MAP7D3: variants seen among roughly 807,000 people sequenced by gnomAD.
The protein encoded by MAP7D3 is MAP7 domain containing 3, also known as MAP7 domain-containing protein 3.
A neutral mutation model predicts 62.2 loss-of-function variants in MAP7D3; 45 were observed. The observed-to-expected ratio is 0.72, with a 90% CI of 0.57 to 0.93. The LOEUF (loss-of-function observed/expected upper bound fraction) is 0.93, where lower values mean the gene tolerates loss of function less well. Among genes scored for constraint, MAP7D3 ranks in the 40% least tolerant of loss-of-function variants. The pLI is 0.00. For synonymous variants in MAP7D3, 288 were observed against 248.8 expected (o/e 1.16, Z -1.48); for missense variants, 711 against 683.1 (o/e 1.04, Z -0.45).
downstream of MAP7D3, chrX:136,214,019 T>C (rs1025493640): frequency 7.2e-5 from 8 of 111,500 alleles, no homozygotes; most frequent in African/African-American, 2.6e-4. Flanking sequence ...GTGCCTGTAG[T>C]CCCAGCTACT....
At chrX:136,245,439 A>G (rs1478851891) in intron 3 of MAP7D3, among the ~76,000 whole-genome samples, 2 of 111,734 alleles carry the variant, frequency 1.8e-5, no homozygotes, top group African/African-American at 6.5e-5. Context: ...TTGGCAATTT[A>G]TTTTCATTTT....
intron 4 of MAP7D3, among the ~76,000 whole-genome samples, chrX:136,242,850 C>T (rs1477587049): frequency 8.9e-6 from 1 of 111,775 alleles, no homozygotes; most frequent in Non-Finnish European, 1.9e-5. Flanking sequence ...TTTCTCTGGC[C>T]TTCATCTCTT....
intron 1 of MAP7D3, among the ~76,000 whole-genome samples, chrX:136,250,865 C>T (rs780708596): frequency 2.1e-4 from 23 of 111,941 alleles, no homozygotes; most frequent in African/African-American, 7.1e-4. Flanking sequence ...CCCGCACATC[C>T]CAGGCAGCTG....
chrX:136,252,005 C>T (rs947151993), upstream of MAP7D3, among the ~76,000 whole-genome samples: 1 of 112,317 alleles, frequency 8.9e-6, no homozygotes, highest in African/African-American at 3.2e-5. Context: ...GCATCAATCT[C>T]TCCGGATTTT....
In MAP7D3 at chrX:136,227,296, T is replaced by G; in HGVS notation, c.2022A>C (p.Glu674Asp). 1 of 1,208,805 alleles carries G rather than the reference T, an allele frequency of 8.3e-7. No homozygotes were observed. The highest frequency in any genetic ancestry group is 1.1e-6 in the Non-Finnish European group (1 of 894,486). Residue 674 changes from glutamate to aspartate, a missense_variant, in exon 12 of 19, where the codon GAA becomes GAC. By Grantham distance (45) the Glu-to-Asp change is conservative. Transcript: ENST00000316077. ...KKGWLDQEDQEAPLQKGDAKI... is the reference protein window; with the variant it reads ...KKGWLDQEDQDAPLQKGDAKI... Reference sequence around the variant, plus strand: ...CAAGTCAGCAAACCTGCAGTGGTGCTTCCTGGTCTTCCTGATCCAGCCATC... The same window carrying G: ...CAAGTCAGCAAACCTGCAGTGGTGCGTCCTGGTCTTCCTGATCCAGCCATC...
At chrX:136,229,570 G>A (rs1267869631) in intron 10 of MAP7D3, among the ~76,000 whole-genome samples, 1 of 110,141 alleles carries the variant, frequency 9.1e-6, no homozygotes, top group East Asian at 2.8e-4. Flanking sequence ...CCACATTATG[G>A]CCTATATATA....
chrX:136,230,517 AAGG>A lies in MAP7D3; in HGVS notation c.1615_1617del (p.Pro539del). The A allele has an allele frequency of 8.4e-7, 1 of 1,194,986 alleles. No individual in the cohort carries two copies. The highest frequency in any genetic ancestry group is 1.1e-6 in the Non-Finnish European group (1 of 880,326). ...GTGTGTTGAATAGGCATTATTTTAT[AAGG>A]AAAAGAAGTCTGTGGTGACTGTTTT... is the stretch of plus-strand genomic sequence containing the variant. On this transcript the variant is annotated inframe_deletion, in exon 10 of 19. Coordinates refer to ENST00000316077, the MANE Select transcript of MAP7D3 (RefSeq NM_024597.4).
At chrX:136,233,153 T>C (rs1358698204) in intron 7 of MAP7D3, among the ~76,000 whole-genome samples, 1 of 111,326 alleles carries the variant, frequency 9.0e-6, no homozygotes, top group Admixed American at 9.6e-5. Flanking sequence ...GGAAAGCAGG[T>C]TATTTCATTT....
intron 14 of MAP7D3, 88 bp from the exon 15 acceptor site, chrX:136,222,574 C>G (rs946075964): frequency 1.9e-5 from 14 of 724,336 alleles, no homozygotes; most frequent in Middle Eastern, 3.9e-4. Flanking sequence ...CAAAGCTGGA[C>G]TGATGGCTAA....
At chrX:136,230,725 T>C in intron 9 of MAP7D3, 114 bp downstream of exon 9, 1 of 952,639 alleles carries the variant, frequency 1.0e-6, no homozygotes, top group Non-Finnish European at 1.5e-6. Flanking sequence ...ACAGGCTTTT[T>C]TCCCTTTACA....
intron 6 of MAP7D3, among the ~76,000 whole-genome samples, 174 bp downstream of exon 6, chrX:136,240,208 C>CAAA (rs34003803): frequency 1.5e-5 from 1 of 67,420 alleles, no homozygotes; most frequent in Admixed American, 1.8e-4. Context: ...GACTCTGTCT[C>CAAA]AAAAAAAAAA....
rs2074141026 is a variant in MAP7D3, at chrX:136,222,458, T to C, written c.2222A>G (p.Tyr741Cys). The C allele has an allele frequency of 1.7e-6, 2 of 1,207,379 alleles. No individual in the cohort carries two copies. Among genetic ancestry groups the C allele is most frequent in the African/African-American group, 1.7e-5 (1 of 57,766 alleles). Reference sequence around the variant, plus strand: ...TTCGTTGTCAGCCTCAGCCTCTTCATATATGTCATGGCTGGATGTTTCTGT... The same window carrying C: ...TTCGTTGTCAGCCTCAGCCTCTTCACATATGTCATGGCTGGATGTTTCTGT... ...KVTETSSHDIYEEAEADNEES... is the reference protein window; with the variant it reads ...KVTETSSHDICEEAEADNEES... Residue 741 changes from tyrosine (Y) to cysteine (C), a missense_variant, in exon 15 of 19, where the codon TAT becomes TGT. Physicochemically the swap from Tyr to Cys is radical, Grantham distance 194. Transcript: ENST00000316077.
chrX:136,230,838 C>G lies in MAP7D3; in HGVS notation c.1541+1G>C, dbSNP rs201173997. 104 of 1,203,908 alleles carry G rather than the reference C, an allele frequency of 8.6e-5. No individual in the cohort carries two copies. Among genetic ancestry groups the G allele is most frequent in the Non-Finnish European group, 1.1e-4 (98 of 892,914 alleles). Reference sequence around the variant, plus strand: ...GGAACAGTTGCGAATAAGCTGCTTACTTAGTGCTGATGGGAGACGGCAGAC... The same window carrying G: ...GGAACAGTTGCGAATAAGCTGCTTAGTTAGTGCTGATGGGAGACGGCAGAC... On this transcript the variant is annotated splice_donor_variant, in intron 9 of 18. Transcript: ENST00000316077. LOFTEE classifies it high-confidence loss of function.
intron 10 of MAP7D3, among the ~76,000 whole-genome samples, chrX:136,229,409 G>C (rs970494833): frequency 2.7e-5 from 3 of 111,529 alleles, no homozygotes; most frequent in African/African-American, 3.3e-5. Context: ...GATTGTTTCT[G>C]TTACAAAAAA....
chrX:136,251,942 G>A (rs1056065625), upstream of MAP7D3, among the ~76,000 whole-genome samples: 1 of 112,020 alleles, frequency 8.9e-6, no homozygotes, highest in African/African-American at 3.2e-5. Context: ...AAAGTTGGGT[G>A]AAATATCTTT....
upstream of MAP7D3, among the ~76,000 whole-genome samples, chrX:136,254,121 A>G (rs1006371052): frequency 2.8e-5 from 3 of 108,421 alleles, no homozygotes; most frequent in African/African-American, 1.0e-4. Context: ...GTCTCACTCT[A>G]TCACCCAGGC....
rs142495594 is a variant in MAP7D3, at chrX:136,227,209, A to G, written c.2034+75T>C. On this transcript the variant is annotated intron_variant, in intron 12 of 18. Transcript: ENST00000316077. ...CTCATGTCTTCTTTCTCAGAGACAGAGATTTTTGCTCTGGGTTCCATCTGA... is the reference window on the plus strand; with the variant it reads ...CTCATGTCTTCTTTCTCAGAGACAGGGATTTTTGCTCTGGGTTCCATCTGA... 1,216 of 915,435 alleles carry G rather than the reference A, an allele frequency of 1.3e-3. 7 individuals carry two copies. The highest frequency in any genetic ancestry group is 1.1e-3 in the Non-Finnish European group (755 of 656,544). The allele number at this position is 915,435 out of a possible 1,213,427, so 75.4% of individuals were successfully genotyped here. A position where few individuals can be genotyped will look rare whatever the true frequency, so the allele number is the denominator to read the frequency against.
intron 4 of MAP7D3, 133 bp from the exon 5 acceptor site, chrX:136,241,410 C>T: frequency 2.8e-6 from 1 of 361,506 alleles, no homozygotes; most frequent in Non-Finnish European, 4.8e-6. Context: ...AGATATGTCT[C>T]AGCTATCAAT....
intron 5 of MAP7D3, 143 bp from the exon 6 acceptor site, chrX:136,240,629 C>T: frequency 2.3e-6 from 1 of 435,110 alleles, no homozygotes; most frequent in Non-Finnish European, 4.0e-6. Flanking sequence ...GCCCGTCAAT[C>T]CTTTTTTTTT....
Sources: gnomAD v4.1 joint callset for allele counts (sites outside exome capture counted in the v4.1 genomes callset) on GRCh38, gnomAD v4.1.1 for gene constraint, MANE v1.5 for transcripts, NCBI Gene and HGNC (gene_info 2026-07-23, HGNC 2026-07-21) for gene names.